CHD9: variants seen among roughly 807,000 people sequenced by gnomAD.
The protein encoded by CHD9 is ATP-dependent chromatin remodeler CHD9.
In CHD9, 77 loss-of-function variants were observed where a neutral mutation model predicts 316.1. The ratio of observed to expected loss-of-function variants is 0.24; its 90% confidence interval spans 0.20 to 0.29. CHD9 has a LOEUF of 0.29. Ranked by LOEUF, CHD9 falls within the 10% of genes least tolerant of loss-of-function variation. The pLI, the probability that CHD9 is intolerant of heterozygous loss-of-function variation, is 1.00. For missense variants in CHD9, 2,763 were observed against 3,438.1 expected (o/e 0.80, Z 4.91); for synonymous variants, 1,129 against 1,158.3 (o/e 0.97, Z 0.51).
At position 53,287,912 on chromosome 16, in the gene CHD9, T is replaced by C. The variant is rs750185943; in HGVS notation, c.5190-45T>C. 7.6e-6 allele frequency: 11 copies of C among 1,448,160 alleles called. No homozygotes were observed. In the African/African-American group the frequency reaches 1.3e-4, roughly 17 times the overall value. 89.7% of individuals were successfully genotyped at this position (1,448,160 alleles called of 1,614,324 possible). On this transcript the variant is annotated intron_variant, in intron 26 of 38. Coordinates refer to ENST00000447540, the MANE Select transcript of CHD9 (RefSeq NM_001308319.2). ...AGACTTTGTCCTATCAAGTGAAATC[T>C]TAAGTCCATTACAGTAATTATAGCA...
At chr16:53,292,800 T>C (rs962716367) in intron 28 of CHD9, 33 bp from the exon 29 acceptor site, 75 of 1,537,510 alleles carry the variant, frequency 4.9e-5, no homozygotes, top group Non-Finnish European at 6.6e-5. Context: ...AGTATCTGTT[T>C]AGTTATTATT....
In CHD9 at chr16:53,231,401, G is replaced by A; in HGVS notation, c.2287-18G>A. On this transcript the variant is annotated intron_variant, in intron 8 of 38. Coordinates refer to ENST00000447540, the MANE Select transcript of CHD9 (RefSeq NM_001308319.2). ...CAGTTCTTTGTCAGATGTCAATTAA[G>A]TTACCTTTTAATTTTAGATGGAAGA... The A allele has an allele frequency of 7.0e-7, 1 of 1,429,216 alleles. No individual in the cohort carries two copies. The highest frequency in any genetic ancestry group is 9.8e-7 in the Non-Finnish European group (1 of 1,022,112). The allele number at this position is 1,429,216 out of a possible 1,614,324, so 88.5% of individuals were successfully genotyped here.
At chr16:53,239,458 C>G (rs1206940812) in intron 12 of CHD9, among the ~76,000 whole-genome samples, 1 of 152,018 alleles carries the variant, frequency 6.6e-6, no homozygotes, top group African/African-American at 2.4e-5. Context: ...AGAAAACATT[C>G]AAGTCATGGT....
intron 2 of CHD9, among the ~76,000 whole-genome samples, chr16:53,200,697 G>A (rs1209357722): frequency 2.0e-5 from 3 of 152,098 alleles, no homozygotes; most frequent in African/African-American, 7.2e-5. Flanking sequence ...AATGTATATG[G>A]GAAACAGGAT....
At chr16:53,215,807 A>G (rs1272992167) in intron 3 of CHD9, among the ~76,000 whole-genome samples, 1 of 152,222 alleles carries the variant, frequency 6.6e-6, no homozygotes, top group Non-Finnish European at 1.5e-5. Context: ...ACACTTGGGC[A>G]GGATTGAAAT....
chr16:53,058,341 G>A (rs1049737979), intron 1 of CHD9, among the ~76,000 whole-genome samples: 3 of 152,202 alleles, frequency 2.0e-5, no homozygotes, highest in Admixed American at 6.5e-5. Flanking sequence ...GGCTGGTCTC[G>A]AGCTCCCGAC....
intron 2 of CHD9, among the ~76,000 whole-genome samples, chr16:53,170,086 T>A (rs1277432198): frequency 6.6e-6 from 1 of 151,502 alleles, no homozygotes; most frequent in African/African-American, 2.4e-5. Flanking sequence ...GAGAATGCTG[T>A]ATATATGATA....
Position 53,304,622 on chromosome 16 carries a change from C to G in CHD9, c.6616C>G (p.Arg2206Gly). 8 of 1,543,876 alleles carry G rather than the reference C, an allele frequency of 5.2e-6. No individual in the cohort carries two copies. Among genetic ancestry groups the G allele is most frequent in the Non-Finnish European group, 7.0e-6 (8 of 1,142,866 alleles). ...CAGTGATGAAGAAGAAGCCCAAAAA[C>G]GAGGTACTATGCATAAAATAATTCT... ...SDSDEEEAQK[R>G]ESTTHMKAYD... The change falls in exon 31 of 39, where the codon CGA (arginine) becomes GGA (glycine). Residue 2206 changes from arginine to glycine, a missense_variant. This residue lies in a region of CHD9 where 663 missense variants were observed against 751.2 expected (regional missense o/e 0.88). Transcript: ENST00000447540.
intron 3 of CHD9, among the ~76,000 whole-genome samples, chr16:53,210,990 G>T (rs1209459819): frequency 6.6e-6 from 1 of 151,958 alleles, no homozygotes; most frequent in South Asian, 2.1e-4. Context: ...AGGTATGAAA[G>T]TAACTTATTT....
chr16:53,073,895 C>T (rs536112427), intron 1 of CHD9, among the ~76,000 whole-genome samples: 61 of 152,154 alleles, frequency 4.0e-4, no homozygotes, highest in African/African-American at 1.4e-3. Flanking sequence ...TAGAGTGGGG[C>T]GCTGCTGAAA....
chr16:53,263,328 A>G (rs2051328761), intron 20 of CHD9, among the ~76,000 whole-genome samples: 1 of 152,170 alleles, frequency 6.6e-6, no homozygotes, highest in Admixed American at 6.5e-5. Context: ...GATATAATTT[A>G]CATTCTTAAA....
chr16:53,185,215 A>G (rs2043880867), intron 2 of CHD9, among the ~76,000 whole-genome samples: 1 of 152,184 alleles, frequency 6.6e-6, no homozygotes, highest in Admixed American at 6.5e-5. Flanking sequence ...AAAGTTTCAG[A>G]CTTCCTACAG....
chr16:53,233,013 C>A (rs748274571), intron 10 of CHD9, among the ~76,000 whole-genome samples: 2 of 152,130 alleles, frequency 1.3e-5, no homozygotes, highest in Non-Finnish European at 2.9e-5. Flanking sequence ...GGAATTCTTC[C>A]GACCAGCAAG....
chr16:53,241,234 ACT>A (rs2049056768), intron 12 of CHD9, among the ~76,000 whole-genome samples: 1 of 152,094 alleles, frequency 6.6e-6, no homozygotes, highest in African/African-American at 2.4e-5. Context: ...CTGTTTAAAC[ACT>A]CTCTTCACTT....
chr16:53,124,224 A>C (rs2038870655), intron 1 of CHD9, among the ~76,000 whole-genome samples: 1 of 152,172 alleles, frequency 6.6e-6, no homozygotes, highest in Non-Finnish European at 1.5e-5. Flanking sequence ...CTTTCTCTGC[A>C]TCTTCAATTA....
intron 2 of CHD9, among the ~76,000 whole-genome samples, chr16:53,185,270 A>G (rs2043887082): frequency 6.6e-6 from 1 of 152,190 alleles, no homozygotes; most frequent in Admixed American, 6.6e-5. Flanking sequence ...TGATATGGAC[A>G]ATTAATTCCA....
At chr16:53,086,893 A>C (rs1040106799) in intron 1 of CHD9, among the ~76,000 whole-genome samples, 1 of 152,148 alleles carries the variant, frequency 6.6e-6, no homozygotes, top group East Asian at 1.9e-4. Context: ...TATCAAATGT[A>C]TACAGCTGAC....
intron 1 of CHD9, among the ~76,000 whole-genome samples, chr16:53,072,818 C>CTGAG (rs1253466828): frequency 1.3e-5 from 2 of 152,084 alleles, no homozygotes; most frequent in African/African-American, 2.4e-5. Flanking sequence ...CCTCAGCCTC[C>CTGAG]TGAGTAGCTG....
chr16:53,148,139 A>G (rs963903318), intron 1 of CHD9, among the ~76,000 whole-genome samples: 3 of 152,204 alleles, frequency 2.0e-5, no homozygotes, highest in African/African-American at 7.2e-5. Flanking sequence ...TCCAGGAGGC[A>G]GAGGTTGCAA....
Sources: allele counts gnomAD v4.1 joint callset (sites outside exome capture counted in the v4.1 genomes callset), GRCh38; gene constraint gnomAD v4.1.1; regional missense constraint gnomAD v4.1.1; transcripts MANE v1.5; gene names NCBI Gene and HGNC (gene_info 2026-07-23, HGNC 2026-07-21).